CLSTN1: variants seen among roughly 807,000 people sequenced by gnomAD.
The protein encoded by CLSTN1 is calsyntenin-1.
CLSTN1 carries 28 observed loss-of-function variants against 108.3 expected under a neutral mutation model. The observed-to-expected ratio is 0.26, with a 90% confidence interval of 0.19 to 0.35. The LOEUF (loss-of-function observed/expected upper bound fraction) is 0.35, where lower values mean the gene tolerates loss of function less well. Ranked by LOEUF, CLSTN1 falls within the 10% of genes least tolerant of loss-of-function variation. The probability of loss-of-function intolerance (pLI) is 1.00; values close to 1 mark genes in which losing one functional copy is unlikely to be tolerated. For missense variants in CLSTN1, 1,157 were observed against 1,302.6 expected (o/e 0.89, Z 1.72); for synonymous variants, 524 against 534.9 (o/e 0.98, Z 0.28).
At chr1:9,778,049 C>G (rs1196724266) in intron 1 of CLSTN1, among the ~76,000 whole-genome samples, 1 of 152,052 alleles carries the variant, frequency 6.6e-6, no homozygotes, top group African/African-American at 2.4e-5. Flanking sequence ...CCAAAGGGCC[C>G]GCGACCTCAG....
intron 1 of CLSTN1, among the ~76,000 whole-genome samples, chr1:9,786,082 G>C (rs1046731828): frequency 6.6e-6 from 1 of 152,034 alleles, no homozygotes; most frequent in Non-Finnish European, 1.5e-5. Flanking sequence ...CCAGCTACTC[G>C]GGAGGCTGAG....
rs12411166 is a variant in CLSTN1 at position 9,796,556 on chromosome 1, C to T, written c.92-23162G>A. Among the ~76,000 whole-genome samples the T allele has an allele frequency of 4.5e-3, 677 of 150,208 alleles. 43 individuals are homozygous for T. Among genetic ancestry groups the T allele is most frequent in the Admixed American group, 0.028 (411 of 14,728 alleles). ...AAAATTAGCCGGACGTGGTGGCAGG[C>T]GCCTGTAGTCCCAGCAACTCAGGAG... On this transcript the variant is annotated intron_variant, in intron 1 of 18. Transcript: ENST00000377298.
chr1:9,761,828 T>C (rs529567461), intron 2 of CLSTN1, among the ~76,000 whole-genome samples: 20 of 152,278 alleles, frequency 1.3e-4, no homozygotes, highest in African/African-American at 4.8e-4. Context: ...GGTTCTCTGA[T>C]TGTAAGCAAC....
chr1:9,751,293 T>C (rs927299773), intron 5 of CLSTN1, among the ~76,000 whole-genome samples, 180 bp downstream of exon 5: 1 of 152,100 alleles, frequency 6.6e-6, no homozygotes, highest in African/African-American at 2.4e-5. Context: ...GAGAAGAAGT[T>C]GTCAGGGAAC....
rs190969930 is a variant in CLSTN1, at chr1:9,760,795, C to T, written c.215-4285G>A. Among the ~76,000 whole-genome samples the T allele has an allele frequency of 7.4e-3, 1,105 of 150,296 alleles. 8 individuals carry two copies. The highest frequency in any genetic ancestry group is 0.024 in the Middle Eastern group (7 of 288). On this transcript the variant is annotated intron_variant, in intron 2 of 18. Transcript: ENST00000377298. ...CCACCTGCCTCAGCCTCCCTCAGAGCTGGGATTACAGGCATGAGCCACCAC... is the reference window on the plus strand; with the variant it reads ...CCACCTGCCTCAGCCTCCCTCAGAGTTGGGATTACAGGCATGAGCCACCAC...
At position 9,731,408 on chromosome 1, in the gene CLSTN1, G is replaced by A; in HGVS notation, c.2564-18C>T. 1 of 1,611,660 alleles carries A rather than the reference G, an allele frequency of 6.2e-7. No individual in the cohort carries two copies. The highest frequency in any genetic ancestry group is 8.5e-7 in the Non-Finnish European group (1 of 1,178,036). ...GGGGACGACTGTGGGAGAATGAGGG[G>A]GCGGGATGCGAGGTCACTCGGCCCA... is the stretch of plus-strand genomic sequence containing the variant. On this transcript the variant is annotated intron_variant, in intron 17 of 18. Coordinates refer to ENST00000377298, the MANE Select transcript of CLSTN1 (RefSeq NM_001009566.3).
At chr1:9,751,890 A>G (rs1036142660) in intron 4 of CLSTN1, among the ~76,000 whole-genome samples, 11 of 152,182 alleles carry the variant, frequency 7.2e-5, no homozygotes, top group Non-Finnish European at 1.2e-4. Flanking sequence ...CAGAAAGTTA[A>G]AAGAGGGATT....
At position 9,823,132 on chromosome 1, in the gene CLSTN1, G is replaced by C. The variant is rs963288974; in HGVS notation, c.91+511C>G. ...AACACAGAATCGGGATCTTGGAAACGGGATGCGGAGGAGTGGGCTCTTATG... is the reference window on the plus strand; with the variant it reads ...AACACAGAATCGGGATCTTGGAAACCGGATGCGGAGGAGTGGGCTCTTATG... On this transcript the variant is annotated intron_variant, in intron 1 of 18. Coordinates refer to ENST00000377298, the MANE Select transcript of CLSTN1 (RefSeq NM_001009566.3). The surrounding 1 kb of genome is among the most constrained non-coding windows in gnomAD (Gnocchi z 6.3). Among the ~76,000 whole-genome samples the C allele has an allele frequency of 2.6e-5, 4 of 152,200 alleles. No homozygotes were observed. Among genetic ancestry groups the C allele is most frequent in the African/African-American group, 9.7e-5 (4 of 41,446 alleles).
In CLSTN1 at chr1:9,742,173, A is replaced by T. The variant is rs995464719; in HGVS notation, c.1357-917T>A. ...CATTTATGAGGCTACTTGAAATCTG[A>T]ACATTGACTGGCTATTTGATCGTAT... On this transcript the variant is annotated intron_variant, in intron 9 of 18. Coordinates refer to ENST00000377298, the MANE Select transcript of CLSTN1 (RefSeq NM_001009566.3). Among the ~76,000 whole-genome samples, 4 of 152,190 alleles carry T rather than the reference A, an allele frequency of 2.6e-5. No individual in the cohort carries two copies. In the East Asian group the frequency reaches 7.7e-4, roughly 29 times the overall value.
At chr1:9,751,957 AAG>A (rs1557698618) in intron 4 of CLSTN1, among the ~76,000 whole-genome samples, 2 of 152,208 alleles carry the variant, frequency 1.3e-5, no homozygotes. Context: ...TCTAAAATAA[AAG>A]AGACTTGGGT....
chr1:9,740,096 G>A (rs1344116051), intron 10 of CLSTN1, among the ~76,000 whole-genome samples: 2 of 151,966 alleles, frequency 1.3e-5, no homozygotes, highest in African/African-American at 2.4e-5. Flanking sequence ...GATTACAGGC[G>A]TGAGCCACCG....
At chr1:9,772,494 A>G (rs896602223) in intron 2 of CLSTN1, among the ~76,000 whole-genome samples, 1 of 152,020 alleles carries the variant, frequency 6.6e-6, no homozygotes, top group Non-Finnish European at 1.5e-5. Context: ...TCTGATCTGG[A>G]AAAATATGCG....
Position 9,731,831 on chromosome 1 carries a change from G to C in CLSTN1, c.2493C>G (p.Phe831Leu). 6 of 1,614,154 alleles carry C rather than the reference G, an allele frequency of 3.7e-6. No individual in the cohort carries two copies. Among genetic ancestry groups the C allele is most frequent in the South Asian group, 1.1e-5 (1 of 91,092 alleles). ...HANHMAAQPQFVHPEHRSFVD... is the reference protein window; with the variant it reads ...HANHMAAQPQLVHPEHRSFVD... ...CAAAGGAGCGGTGTTCCGGGTGCAC[G>C]AACTGTGGCTGGGCAGCCATGTGGT... Residue 831 changes from phenylalanine (F) to leucine (L), a missense_variant, in exon 17 of 19, where the codon TTC becomes TTG. Phe to Leu is a conservative substitution (Grantham distance 22, BLOSUM62 0). Transcript: ENST00000377298.
intron 1 of CLSTN1, among the ~76,000 whole-genome samples, chr1:9,776,896 A>G (rs546979170): frequency 2.0e-5 from 3 of 151,246 alleles, no homozygotes; most frequent in Non-Finnish European, 4.4e-5. Flanking sequence ...CTATCTATCT[A>G]TCTATCTATC....
At chr1:9,772,752 T>A (rs895641364) in intron 2 of CLSTN1, among the ~76,000 whole-genome samples, 1 of 152,148 alleles carries the variant, frequency 6.6e-6, no homozygotes, top group Non-Finnish European at 1.5e-5. Flanking sequence ...TCACTGAAGG[T>A]AAAATCTATG....
intron 1 of CLSTN1, among the ~76,000 whole-genome samples, chr1:9,810,202 A>T (rs1439305018): frequency 3.0e-5 from 3 of 100,794 alleles, no homozygotes; most frequent in Non-Finnish European, 6.2e-5. Flanking sequence ...CAGGCAGGGT[A>T]TGGTGGCTCA....
At chr1:9,819,851 G>A (rs1176394865) in intron 1 of CLSTN1, among the ~76,000 whole-genome samples, 1 of 151,910 alleles carries the variant, frequency 6.6e-6, no homozygotes, top group Non-Finnish European at 1.5e-5. Flanking sequence ...TTTCCACATC[G>A]TTACTTCTGA....
At chr1:9,762,333 C>T (rs1652113297) in intron 2 of CLSTN1, among the ~76,000 whole-genome samples, 1 of 152,060 alleles carries the variant, frequency 6.6e-6, no homozygotes, top group Admixed American at 6.6e-5. Flanking sequence ...TGGTGGCAGG[C>T]ACCTGTAATT....
In CLSTN1 at chr1:9,743,917, G is replaced by A; in HGVS notation, c.1323C>T (p.Tyr441=). Residue 441 remains tyrosine (Y), a synonymous_variant, in exon 9 of 19, where the codon TAC becomes TAT. Coordinates refer to ENST00000377298, the MANE Select transcript of CLSTN1 (RefSeq NM_001009566.3). ...ACTTCCAGTGGAACTCTGCAGGTCTGTATTTCTTCTCCTCAGAAGGATCCT... is the reference window on the plus strand; with the variant it reads ...ACTTCCAGTGGAACTCTGCAGGTCTATATTTCTTCTCCTCAGAAGGATCCT... ...FRQDPSEEKK[Y]RPAEFHWKLN... 6.2e-7 allele frequency: 1 copy of A among 1,614,104 alleles called. No individual in the cohort carries two copies. The highest frequency in any genetic ancestry group is 8.5e-7 in the Non-Finnish European group (1 of 1,180,010).
Sources: allele counts gnomAD v4.1 joint callset (sites outside exome capture counted in the v4.1 genomes callset), GRCh38; gene constraint gnomAD v4.1.1; non-coding constraint Gnocchi (gnomAD v3.1); transcripts MANE v1.5; gene names NCBI Gene and HGNC (gene_info 2026-07-23, HGNC 2026-07-21).